The following TENM2 variants were observed in gnomAD, a reference collection of about 807,000 sequenced individuals.
The protein encoded by TENM2 is teneurin-2.
In TENM2, 52 loss-of-function variants were observed where a neutral mutation model predicts 245.2. The observed-to-expected ratio is 0.21, with a 90% CI of 0.17 to 0.27. TENM2 has a LOEUF of 0.27. TENM2 is among the 10% of genes least tolerant of loss of function. The pLI is 1.00. For missense variants in TENM2, 3,046 were observed against 3,666.8 expected (o/e 0.83, Z 4.37); for synonymous variants, 1,363 against 1,438.9 (o/e 0.95, Z 1.19).
At chr5:167,108,470 A>G in the TENM2 span, among the ~76,000 whole-genome samples, 1,125 of 152,316 alleles carry the variant, frequency 7.4e-3, 12 homozygotes, top group African/African-American at 0.026. Context: ...CCTTCCCCAC[A>G]AAAGCCAGCA....
intron 17 of TENM2, 101 bp downstream of exon 19, chr5:168,200,232 G>A: frequency 9.0e-7 from 1 of 1,108,840 alleles, no homozygotes; most frequent in Non-Finnish European, 1.3e-6. Context: ...CACCATTTCA[G>A]TAGATAAGGA....
At chr5:167,766,905 A>G (rs1369757843) in intron 2 of TENM2, among the ~76,000 whole-genome samples, 1 of 151,964 alleles carries the variant, frequency 6.6e-6, no homozygotes, top group East Asian at 1.9e-4. Flanking sequence ...AAACAAAAAC[A>G]AAAAACAAAA....
intron 2 of TENM2, among the ~76,000 whole-genome samples, chr5:167,744,935 T>A (rs1471549493): frequency 6.6e-6 from 1 of 152,194 alleles, no homozygotes; most frequent in Non-Finnish European, 1.5e-5. Context: ...GGAACTTGTA[T>A]GTTTGTGACT....
At chr5:167,653,066 G>C (rs557438386) in intron 2 of TENM2, among the ~76,000 whole-genome samples, 1 of 151,912 alleles carries the variant, frequency 6.6e-6, no homozygotes, top group African/African-American at 2.4e-5. Context: ...AATGATTGAG[G>C]ACCAACAGTA....
At chr5:167,452,958 T>TTTTAA (rs1303477651) in intron 2 of TENM2, among the ~76,000 whole-genome samples, 14 of 96,286 alleles carry the variant, frequency 1.5e-4, no homozygotes, top group Non-Finnish European at 2.2e-4. Flanking sequence ...TATATATATA[T>TTTTAA]ATATTTAAAA....
chr5:167,776,624 A>C (rs200804489), intron 2 of TENM2, among the ~76,000 whole-genome samples: 12,687 of 61,186 alleles, frequency 0.21, 1,460 homozygotes, highest in East Asian at 0.42. Flanking sequence ...AAAAAAAAAA[A>C]AACCATATAT....
chr5:167,427,906 G>T (rs1763970923), intron 2 of TENM2, among the ~76,000 whole-genome samples: 3 of 146,174 alleles, frequency 2.1e-5, no homozygotes, highest in South Asian at 4.6e-4. Flanking sequence ...GAAAGGAAGG[G>T]AAGGAAGGGA....
At chr5:167,518,996 G>T (rs1175858744) in intron 2 of TENM2, among the ~76,000 whole-genome samples, 5 of 152,072 alleles carry the variant, frequency 3.3e-5, no homozygotes, top group African/African-American at 7.2e-5. Context: ...TTTATGCAGC[G>T]ATGTTCCTGT....
intron 3 of TENM2, among the ~76,000 whole-genome samples, chr5:167,890,534 T>C (rs1283072989): frequency 1.3e-5 from 2 of 152,166 alleles, no homozygotes; most frequent in Non-Finnish European, 2.9e-5. Flanking sequence ...AATTATGCTT[T>C]ATTTAGGTGA....
chr5:167,523,787 A>T (rs999630849), intron 2 of TENM2, among the ~76,000 whole-genome samples: 1 of 152,160 alleles, frequency 6.6e-6, no homozygotes, highest in African/African-American at 2.4e-5. Flanking sequence ...TTCAGAAAAT[A>T]TCTCCCCAAA....
the TENM2 span, among the ~76,000 whole-genome samples, chr5:167,236,399 G>C: frequency 3.9e-5 from 6 of 152,182 alleles, no homozygotes; most frequent in Admixed American, 3.9e-4. Context: ...CCAGCTTGAA[G>C]TAACCTCTGA....
intron 2 of TENM2, among the ~76,000 whole-genome samples, chr5:167,800,673 C>T (rs891831138): frequency 6.6e-6 from 1 of 152,186 alleles, no homozygotes; most frequent in Non-Finnish European, 1.5e-5. Flanking sequence ...CATCAGCAGA[C>T]AAGTGCTGGC....
chr5:167,445,753 G>C (rs189060358), intron 2 of TENM2, among the ~76,000 whole-genome samples: 1 of 152,242 alleles, frequency 6.6e-6, no homozygotes, highest in Non-Finnish European at 1.5e-5. Flanking sequence ...TTGTCTGGGA[G>C]ATGGAAAGTT....
chr5:167,297,870 T>G (rs993466552), intron 1 of TENM2, among the ~76,000 whole-genome samples: 1 of 151,982 alleles, frequency 6.6e-6, no homozygotes, highest in Non-Finnish European at 1.5e-5. Context: ...TGAGCCAGGA[T>G]GAGCCAGGAG....
At chr5:167,687,194 T>C (rs1199595039) in intron 2 of TENM2, among the ~76,000 whole-genome samples, 1 of 152,186 alleles carries the variant, frequency 6.6e-6, no homozygotes, top group East Asian at 1.9e-4. Context: ...ATGGTTTAAG[T>C]TTGATTTCTT....
the TENM2 span, among the ~76,000 whole-genome samples, chr5:167,172,692 G>C: frequency 6.8e-6 from 1 of 146,752 alleles, no homozygotes; most frequent in Admixed American, 7.0e-5. Flanking sequence ...TGGTCCTGCT[G>C]CTTCTAATTC....
At chr5:167,005,907 G>A in the TENM2 span, among the ~76,000 whole-genome samples, 1 of 151,844 alleles carries the variant, frequency 6.6e-6, no homozygotes, top group Non-Finnish European at 1.5e-5. Context: ...TGATCAGCCC[G>A]CCTCGGCCTC....
Position 167,997,602 on chromosome 5 carries a change from C to T in TENM2, c.1186+4420C>T, listed in dbSNP as rs563702982. Among the ~76,000 whole-genome samples the T allele has an allele frequency of 4.5e-4, 68 of 152,252 alleles. 1 individual carries two copies. In the East Asian group the frequency reaches 4.8e-3, roughly 11 times the overall value. On this transcript the variant is annotated intron_variant, in intron 5 of 28. Coordinates refer to ENST00000518659, the Ensembl canonical transcript of TENM2. ...GTTGTAAGTTAAAAACAGCCATAGACGGTGTGTAAATGAACAGGTATGGCT... is the reference window on the plus strand; with the variant it reads ...GTTGTAAGTTAAAAACAGCCATAGATGGTGTGTAAATGAACAGGTATGGCT...
intron 7 of TENM2, among the ~76,000 whole-genome samples, chr5:168,071,104 C>CA (rs1275522258): frequency 6.6e-6 from 1 of 152,140 alleles, no homozygotes; most frequent in Admixed American, 6.5e-5. Context: ...CTCCAGCCTC[C>CA]AATACTTCCA....
Sources: gnomAD v4.1 joint callset for allele counts (sites outside exome capture counted in the v4.1 genomes callset) on GRCh38, gnomAD v4.1.1 for gene constraint, MANE v1.5 for transcripts, NCBI Gene and HGNC (gene_info 2026-07-23, HGNC 2026-07-21) for gene names.